The following RNF135 variants were observed in gnomAD, a reference collection of about 807,000 sequenced individuals.
RNF135 encodes the protein ring finger protein 135.
RNF135 carries 46 observed loss-of-function variants against 41.9 expected under a neutral mutation model. The observed-to-expected ratio is 1.10, with a 90% confidence interval of 0.87 to 1.40. The LOEUF is 1.40. RNF135 is among the 40% of genes most tolerant of loss of function. The probability of loss-of-function intolerance (pLI) is 0.00; values close to 1 mark genes in which losing one functional copy is unlikely to be tolerated. For missense variants in RNF135, 539 were observed against 549.8 expected (o/e 0.98, Z 0.20); for synonymous variants, 238 against 223.8 (o/e 1.06, Z -0.57).
chr17:30,966,527 C>T (rs868251954), upstream of RNF135, among the ~76,000 whole-genome samples: 6 of 150,444 alleles, frequency 4.0e-5, no homozygotes, highest in South Asian at 2.1e-4. Flanking sequence ...GATGGAGTCT[C>T]GCTGTCGCCC....
intron 3 of RNF135, among the ~76,000 whole-genome samples, chr17:30,993,031 TTTTA>T (rs1404645703): frequency 6.9e-6 from 1 of 144,590 alleles, no homozygotes; most frequent in Non-Finnish European, 1.5e-5. Context: ...GTGCATTTTG[TTTTA>T]TTTGTTTATT....
rs1221574794 is a variant in RNF135 at position 30,998,770 on chromosome 17, G to C, written c.878G>C (p.Ser293Thr). 2 of 1,613,006 alleles carry C rather than the reference G, an allele frequency of 1.2e-6. No individual in the cohort carries two copies. The highest frequency in any genetic ancestry group is 1.3e-5 in the African/African-American group (1 of 74,810). The change falls in exon 5 of 5, where the codon AGC becomes ACC. Residue 293 changes from serine (S) to threonine (T), a missense_variant. By Grantham distance (58) the Ser-to-Thr change is moderately conservative (BLOSUM62 1). Around this residue, in one of 2 missense-constraint regions of RNF135, gnomAD observed 262 missense variants for 336.9 expected, o/e 0.78. Transcript: ENST00000328381. ...CACCGCCCACAACCCTATCGCTGGAGCTGTGAGAGGTTTTCTACCAGCCAG... is the reference window on the plus strand; with the variant it reads ...CACCGCCCACAACCCTATCGCTGGACCTGTGAGAGGTTTTCTACCAGCCAG... Reference protein sequence around the residue: ...VSHRPQPYRWSCERFSTSQVL... With the variant: ...VSHRPQPYRWTCERFSTSQVL...
intron 2 of RNF135, among the ~76,000 whole-genome samples, chr17:30,985,764 C>G (rs747206537): frequency 6.6e-6 from 1 of 152,040 alleles, no homozygotes; most frequent in Non-Finnish European, 1.5e-5. Context: ...TCAGTTTGCT[C>G]AGGAGTAAGA....
At chr17:30,975,700 C>G in intron 1 of RNF135, 1 of 1,420,970 alleles carries the variant, frequency 7.0e-7, no homozygotes, top group South Asian at 1.1e-5. Flanking sequence ...GAAATGCAGA[C>G]ACACTACCCA....
At chr17:30,989,035 C>T (rs1458491891) in intron 3 of RNF135, among the ~76,000 whole-genome samples, 5 of 140,470 alleles carry the variant, frequency 3.6e-5, no homozygotes, top group Non-Finnish European at 7.7e-5. Flanking sequence ...GTTGGGATTA[C>T]AGGCGTGAGC....
chr17:30,961,769 A>G, the RNF135 span, among the ~76,000 whole-genome samples: 42 of 152,060 alleles, frequency 2.8e-4, no homozygotes, highest in Non-Finnish European at 4.3e-4. Flanking sequence ...CGGCCCTGAC[A>G]GCATGCACAC....
At chr17:30,996,494 T>C (rs958287887) in intron 3 of RNF135, among the ~76,000 whole-genome samples, 2 of 152,182 alleles carry the variant, frequency 1.3e-5, no homozygotes, top group South Asian at 2.1e-4. Context: ...CAGTTCCGAG[T>C]TGAATTTTGA....
chr17:30,963,048 C>G, the RNF135 span, among the ~76,000 whole-genome samples: 1 of 149,624 alleles, frequency 6.7e-6, no homozygotes, highest in Non-Finnish European at 1.5e-5. Context: ...TACTTATTGG[C>G]CAATCTTATA....
rs192830540 is a variant in RNF135 at position 30,973,494 on chromosome 17, G to A, written c.372+2049G>A. 1.1e-4 allele frequency among the ~76,000 whole-genome samples: 17 copies of A among 150,880 alleles called. No homozygotes were observed. In the East Asian group the frequency reaches 3.3e-3, roughly 29 times the overall value. On this transcript the variant is annotated intron_variant, in intron 1 of 4. Transcript: ENST00000328381. ...AGAGTTTTTTTTTTTTTGAAACGAG[G>A]TCTCGCTCCTTTCCCAGGGATGGAG...
intron 1 of RNF135, among the ~76,000 whole-genome samples, chr17:30,981,819 G>A (rs1257804887): frequency 6.6e-6 from 1 of 152,252 alleles, no homozygotes; most frequent in Admixed American, 6.5e-5. Flanking sequence ...TACCACCTTG[G>A]TGGTCTTGTA....
intron 3 of RNF135, among the ~76,000 whole-genome samples, chr17:30,989,984 C>CAAAA (rs10627734): frequency 3.1e-4 from 17 of 55,186 alleles, no homozygotes; most frequent in South Asian, 6.7e-4. Context: ...AACTCTGTCT[C>CAAAA]AAAAAAAAAA....
chr17:30,974,570 G>A (rs1267778413), intron 1 of RNF135, among the ~76,000 whole-genome samples: 1 of 150,602 alleles, frequency 6.6e-6, no homozygotes, highest in Admixed American at 6.6e-5. Flanking sequence ...TTTTTATTTG[G>A]GTCTATAATT....
chr17:30,975,230 C>T (rs1249069043), intron 1 of RNF135, among the ~76,000 whole-genome samples: 2 of 151,642 alleles, frequency 1.3e-5, no homozygotes, highest in Admixed American at 6.6e-5. Context: ...GACTGAGGTA[C>T]GAAGAACACT....
At chr17:30,960,208 A>G in the RNF135 span, among the ~76,000 whole-genome samples, 1 of 151,842 alleles carries the variant, frequency 6.6e-6, no homozygotes, top group Non-Finnish European at 1.5e-5. Flanking sequence ...CCTGGCCAAC[A>G]TGGTGAAACC....
chr17:30,963,087 C>G, the RNF135 span, among the ~76,000 whole-genome samples: 1 of 143,912 alleles, frequency 6.9e-6, no homozygotes, highest in African/African-American at 2.8e-5. Context: ...CCATTTGATT[C>G]CCTAGCTTTT....
At chr17:30,983,351 A>ATT (rs1907343009) in intron 1 of RNF135, among the ~76,000 whole-genome samples, 4 of 42,034 alleles carry the variant, frequency 9.5e-5, no homozygotes, top group Non-Finnish European at 1.8e-4. Context: ...ATATATATAT[A>ATT]TATTTTTTTT....
chr17:30,983,345 A>ATTTTTTTT (rs1907331974), intron 1 of RNF135, among the ~76,000 whole-genome samples: 1 of 34,182 alleles, frequency 2.9e-5, no homozygotes, highest in African/African-American at 9.3e-5. Flanking sequence ...ATATATATAT[A>ATTTTTTTT]TATATATATT....
At chr17:30,993,270 G>C (rs562715088) in intron 3 of RNF135, among the ~76,000 whole-genome samples, 3 of 151,950 alleles carry the variant, frequency 2.0e-5, no homozygotes, top group African/African-American at 7.3e-5. Flanking sequence ...CATGTTGGCC[G>C]GGCTGGTCTT....
chr17:30,971,324 A>G lies in RNF135; in HGVS notation c.251A>G (p.Lys84Arg). 1 of 1,533,736 alleles carries G rather than the reference A, an allele frequency of 6.5e-7. No individual in the cohort carries two copies. The highest frequency in any genetic ancestry group is 8.7e-7 in the Non-Finnish European group (1 of 1,143,582). The change falls in exon 1 of 5, where the codon AAG becomes AGG. Residue 84 changes from lysine to arginine, a missense_variant. Coordinates refer to ENST00000328381, the MANE Select transcript of RNF135 (RefSeq NM_032322.4). ...ACGCTACTGCAGGACCTGGCCGACAAGTACCGCCGCGCCGCACGCGAGATA... is the reference window on the plus strand; with the variant it reads ...ACGCTACTGCAGGACCTGGCCGACAGGTACCGCCGCGCCGCACGCGAGATA... The part of the protein sequence containing the change: ...KNTLLQDLAD[K>R]YRRAAREIQA...
Sources: gnomAD v4.1 joint callset for allele counts (sites outside exome capture counted in the v4.1 genomes callset) on GRCh38, gnomAD v4.1.1 for gene constraint, gnomAD v4.1.1 regional missense constraint, MANE v1.5 for transcripts, NCBI Gene and HGNC (gene_info 2026-07-23, HGNC 2026-07-21) for gene names.